Variants in RERG observed in about 807,000 individuals in gnomAD.
The protein encoded by RERG is RAS like estrogen regulated growth inhibitor, also known as ras-related and estrogen-regulated growth inhibitor.
A neutral mutation model predicts 23.2 loss-of-function variants in RERG; 25 were observed. The ratio of observed to expected loss-of-function variants is 1.08; its 90% CI spans 0.79 to 1.50. The LOEUF is 1.50. Ranked by LOEUF, RERG falls within the 40% of genes most tolerant of loss-of-function variation. The probability of loss-of-function intolerance (pLI) is 0.00; values close to 1 mark genes in which losing one functional copy is unlikely to be tolerated. For synonymous variants in RERG, 81 were observed against 89.1 expected (o/e 0.91, Z 0.51); for missense variants, 253 against 250.1 (o/e 1.01, Z -0.08).
intron 3 of RERG, chr12:15,112,571 C>T (rs1355460800): frequency 6.6e-6 from 1 of 152,092 alleles, no homozygotes; most frequent in Non-Finnish European, 1.5e-5. Flanking sequence ...AAAATAAGTG[C>T]CAACTGGTGC....
intron 2 of RERG, among the ~76,000 whole-genome samples, chr12:15,152,624 A>G (rs989205487): frequency 4.6e-5 from 7 of 152,184 alleles, no homozygotes; most frequent in Non-Finnish European, 8.8e-5. Flanking sequence ...CTGGACAAGG[A>G]TAACTTGAAT....
At chr12:15,168,742 T>C (rs1017140763) in intron 2 of RERG, among the ~76,000 whole-genome samples, 1 of 152,180 alleles carries the variant, frequency 6.6e-6, no homozygotes, top group African/African-American at 2.4e-5. Flanking sequence ...AATCCTAACA[T>C]TTCTCTGCCA....
chr12:15,143,698 GCAAA>G (rs1270045494), intron 2 of RERG, among the ~76,000 whole-genome samples: 1 of 152,042 alleles, frequency 6.6e-6, no homozygotes, highest in Non-Finnish European at 1.5e-5. Flanking sequence ...TTTAGTACAG[GCAAA>G]CAGATACTAA....
chr12:15,172,742 C>A (rs1293316651), intron 2 of RERG, among the ~76,000 whole-genome samples: 2 of 152,004 alleles, frequency 1.3e-5, no homozygotes, highest in African/African-American at 4.8e-5. Context: ...TCAATGTGAA[C>A]ATCTTTTTAT....
intron 2 of RERG, among the ~76,000 whole-genome samples, chr12:15,181,499 A>G (rs993605395): frequency 2.0e-5 from 3 of 152,196 alleles, no homozygotes; most frequent in African/African-American, 7.2e-5. Flanking sequence ...GCTAGGTTTC[A>G]AATCCTGGCC....
At chr12:15,184,985 C>T (rs183512181) in intron 2 of RERG, among the ~76,000 whole-genome samples, 289 of 152,264 alleles carry the variant, frequency 1.9e-3, no homozygotes, top group African/African-American at 6.8e-3. Context: ...ATTTGTCAAA[C>T]GCAGACTAAG....
intron 2 of RERG, among the ~76,000 whole-genome samples, chr12:15,126,127 C>CCA (rs1591637515): frequency 2.9e-5 from 1 of 34,554 alleles, no homozygotes; most frequent in East Asian, 6.2e-4. Context: ...GTTGTATATA[C>CCA]CATATATATA....
chr12:15,160,475 G>T (rs4763420), intron 2 of RERG, among the ~76,000 whole-genome samples: 1 of 151,972 alleles, frequency 6.6e-6, no homozygotes, highest in South Asian at 2.1e-4. Flanking sequence ...AAATCACACC[G>T]CAAAAGGTAT....
chr12:15,201,819 A>G (rs1271749668), intron 2 of RERG, among the ~76,000 whole-genome samples: 1 of 151,676 alleles, frequency 6.6e-6, no homozygotes, highest in Non-Finnish European at 1.5e-5. Context: ...CTAATATAAG[A>G]TGGCTGTTTT....
intron 2 of RERG, among the ~76,000 whole-genome samples, chr12:15,143,811 G>C (rs1203597396): frequency 6.6e-6 from 1 of 152,210 alleles, no homozygotes; most frequent in East Asian, 1.9e-4. Context: ...GGATTTGATT[G>C]GTATCTTATT....
chr12:15,213,141 T>TA (rs1865392069), intron 2 of RERG, among the ~76,000 whole-genome samples: 1 of 152,354 alleles, frequency 6.6e-6, no homozygotes, highest in African/African-American at 2.4e-5. Context: ...GCAATATAGT[T>TA]AGCTGTGGCA....
rs776682951 is a variant in RERG, at chr12:15,109,073, G to A, written c.*37C>T. On this transcript the variant is annotated 3_prime_UTR_variant, in exon 5 of 5. Coordinates refer to ENST00000256953, the MANE Select transcript of RERG (RefSeq NM_032918.3). ...TTGAAAGGGGAACAGAAGGGGAAGA[G>A]TGTTTCCAATTAGTTGGTCCACCTC... 6.7e-7 allele frequency: 1 copy of A among 1,500,784 alleles called. No homozygotes were observed. The highest frequency in any genetic ancestry group is 8.9e-7 in the Non-Finnish European group (1 of 1,118,406). 93.0% of individuals were successfully genotyped at this position (1,500,784 alleles called of 1,614,324 possible). A position where few individuals can be genotyped will look rare whatever the true frequency, so the allele number is the denominator to read the frequency against.
At chr12:15,148,654 G>A (rs1488610893) in intron 2 of RERG, among the ~76,000 whole-genome samples, 1 of 152,098 alleles carries the variant, frequency 6.6e-6, no homozygotes, top group Non-Finnish European at 1.5e-5. Flanking sequence ...ACATTAAGGA[G>A]TCATGAAGTG....
At chr12:15,188,751 T>C (rs964490333) in intron 2 of RERG, among the ~76,000 whole-genome samples, 1 of 152,126 alleles carries the variant, frequency 6.6e-6, no homozygotes, top group Non-Finnish European at 1.5e-5. Flanking sequence ...TGCTCTTCCT[T>C]AAAAGGGTTT....
intron 2 of RERG, among the ~76,000 whole-genome samples, chr12:15,201,906 G>C (rs997024610): frequency 1.3e-5 from 2 of 151,642 alleles, no homozygotes; most frequent in Non-Finnish European, 3.0e-5. Flanking sequence ...TTAATAAGTG[G>C]TCTGTCTTAT....
chr12:15,166,500 TGGG>T (rs1864690223), intron 2 of RERG, among the ~76,000 whole-genome samples: 1 of 150,616 alleles, frequency 6.6e-6, no homozygotes, highest in Middle Eastern at 3.4e-3. Context: ...ATGATGATGA[TGGG>T]GATGGTGGTG....
chr12:15,208,550 GTAT>G (rs1865323980), intron 2 of RERG, among the ~76,000 whole-genome samples: 1 of 152,122 alleles, frequency 6.6e-6, no homozygotes, highest in African/African-American at 2.4e-5. Flanking sequence ...GGCTCTAGAG[GTAT>G]AATGAACAGA....
intron 2 of RERG, among the ~76,000 whole-genome samples, chr12:15,188,043 A>G (rs751632970): frequency 1.3e-5 from 2 of 152,162 alleles, no homozygotes; most frequent in Non-Finnish European, 2.9e-5. Flanking sequence ...CCAGAGCTAG[A>G]ATGGGTCCTT....
intron 2 of RERG, among the ~76,000 whole-genome samples, chr12:15,150,499 G>A (rs75632898): frequency 0.045 from 6,781 of 152,200 alleles, 236 homozygotes; most frequent in African/African-American, 0.09. Context: ...AGTAAATGGC[G>A]TAATAAGGAA....
Sources: gnomAD v4.1 joint callset for allele counts (sites outside exome capture counted in the v4.1 genomes callset) on GRCh38, gnomAD v4.1.1 for gene constraint, MANE v1.5 for transcripts, NCBI Gene and HGNC (gene_info 2026-07-23, HGNC 2026-07-21) for gene names.